Variants in STK38L observed in about 807,000 individuals in gnomAD.
The protein encoded by STK38L is serine/threonine kinase 38 like.
Under a neutral mutation model 59.7 loss-of-function variants are expected in STK38L, and 28 were observed. The ratio of observed to expected loss-of-function variants is 0.47; its 90% CI spans 0.35 to 0.64. STK38L has a LOEUF of 0.64. Ranked by LOEUF, STK38L falls within the 30% of genes least tolerant of loss-of-function variation. STK38L has a pLI of 0.01. For missense variants in STK38L, 314 were observed against 555.8 expected (o/e 0.56, Z 4.37); for synonymous variants, 162 against 176.8 (o/e 0.92, Z 0.66).
intron 9 of STK38L, among the ~76,000 whole-genome samples, chr12:27,316,847 G>GT (rs1944596707): frequency 6.6e-6 from 1 of 152,126 alleles, no homozygotes; most frequent in Admixed American, 6.6e-5. Context: ...ATTAGGGCAG[G>GT]TATTATTATT....
chr12:27,282,910 C>T (rs1943691548), intron 1 of STK38L, among the ~76,000 whole-genome samples: 1 of 152,188 alleles, frequency 6.6e-6, no homozygotes, highest in African/African-American at 2.4e-5. Context: ...AAGCTGGCTT[C>T]ACCATGTCTA....
At chr12:27,244,493 G>A (rs138951412) in intron 1 of STK38L, among the ~76,000 whole-genome samples, 161 bp downstream of exon 1, 1 of 152,228 alleles carries the variant, frequency 6.6e-6, no homozygotes, top group Admixed American at 6.5e-5. Context: ...CTGCGGCGAC[G>A]GCCTTGGCCC....
intron 1 of STK38L, among the ~76,000 whole-genome samples, chr12:27,269,278 A>G (rs1420334452): frequency 6.6e-6 from 1 of 152,152 alleles, no homozygotes; most frequent in Non-Finnish European, 1.5e-5. Context: ...TCTTTAATCC[A>G]TCTTGAATTA....
intron 1 of STK38L, among the ~76,000 whole-genome samples, chr12:27,259,646 C>G (rs909478034): frequency 6.6e-6 from 1 of 151,996 alleles, no homozygotes; most frequent in Non-Finnish European, 1.5e-5. Flanking sequence ...CTTTCCCCCC[C>G]TTTTTTTTCC....
chr12:27,246,044 AAAT>A (rs1188472778), intron 1 of STK38L, among the ~76,000 whole-genome samples: 1 of 152,198 alleles, frequency 6.6e-6, no homozygotes, highest in Non-Finnish European at 1.5e-5. Flanking sequence ...GTTTGTTTTA[AAAT>A]AAGTCAAAGA....
At chr12:27,260,626 C>A (rs1241244395) in intron 1 of STK38L, among the ~76,000 whole-genome samples, 4 of 152,158 alleles carry the variant, frequency 2.6e-5, no homozygotes, top group Non-Finnish European at 4.4e-5. Flanking sequence ...ACTTACCATA[C>A]ATGCTGTGTG....
intron 1 of STK38L, among the ~76,000 whole-genome samples, chr12:27,295,358 G>C (rs184469822): frequency 6.6e-6 from 1 of 152,180 alleles, no homozygotes; most frequent in East Asian, 1.9e-4. Flanking sequence ...TGGGAAAAGT[G>C]ACTTGAGTTA....
At chr12:27,265,266 G>T (rs139929029) in intron 1 of STK38L, among the ~76,000 whole-genome samples, 1 of 152,172 alleles carries the variant, frequency 6.6e-6, no homozygotes, top group Non-Finnish European at 1.5e-5. Context: ...TAGGAAATAT[G>T]TATGTGTGTA....
At chr12:27,301,500 T>G (rs767141548) in intron 2 of STK38L, among the ~76,000 whole-genome samples, 14 of 152,178 alleles carry the variant, frequency 9.2e-5, no homozygotes, top group African/African-American at 3.4e-4. Context: ...GACCTCGTGA[T>G]CCGCCCACCT....
intron 6 of STK38L, 57 bp downstream of exon 6, chr12:27,312,729 CAAT>C (rs1944485313): frequency 6.3e-7 from 1 of 1,579,792 alleles, no homozygotes; most frequent in Non-Finnish European, 8.6e-7. Context: ...TTATATGCAA[CAAT>C]AATTTTATTG....
At chr12:27,309,838 T>C (rs1944415159) in intron 5 of STK38L, among the ~76,000 whole-genome samples, 1 of 152,162 alleles carries the variant, frequency 6.6e-6, no homozygotes, top group African/African-American at 2.4e-5. Flanking sequence ...CTGTCACATA[T>C]CAGATAATCA....
intron 1 of STK38L, among the ~76,000 whole-genome samples, chr12:27,286,115 A>T (rs1168964971): frequency 6.6e-6 from 1 of 152,072 alleles, no homozygotes; most frequent in Non-Finnish European, 1.5e-5. Flanking sequence ...ATGACATCCA[A>T]CTTTTTTTTG....
At position 27,308,347 on chromosome 12, in the gene STK38L, AC is replaced by A; in HGVS notation, c.196del (p.Arg66ValfsTer28). On this transcript the variant is annotated frameshift_variant, in exon 4 of 14. Transcript: ENST00000389032. LOFTEE classifies it high-confidence loss of function. The surrounding 1 kb of genome is among the most constrained non-coding windows in gnomAD (Gnocchi z 4.5). ...EGLADEEKKLRRSQHARKETE... is the reference protein window; with the variant it reads ...EGLADEEKKLXRSQHARKETE... ...TTGTTTTTTTTTAATAGAAAAAGTT[AC>A]GTCGATCACAACACGCTCGCAAAGA... is the stretch of plus-strand genomic sequence containing the variant. 1.3e-6 allele frequency: 2 copies of A among 1,556,496 alleles called. No homozygotes were observed. Among genetic ancestry groups the A allele is most frequent in the Non-Finnish European group, 1.7e-6 (2 of 1,153,866 alleles).
intron 1 of STK38L, among the ~76,000 whole-genome samples, chr12:27,290,441 CA>C (rs1943871972): frequency 6.6e-6 from 1 of 152,170 alleles, no homozygotes. Context: ...TTAAATAACT[CA>C]GACAGGATCA....
At chr12:27,290,213 G>A (rs761935391) in intron 1 of STK38L, among the ~76,000 whole-genome samples, 4 of 152,090 alleles carry the variant, frequency 2.6e-5, no homozygotes, top group Non-Finnish European at 4.4e-5. Flanking sequence ...ATGCACACAA[G>A]GTGGCTATTA....
At chr12:27,305,692 G>C (rs546993557) in intron 3 of STK38L, among the ~76,000 whole-genome samples, 1 of 152,304 alleles carries the variant, frequency 6.6e-6, no homozygotes, top group Admixed American at 6.5e-5. Flanking sequence ...TGGAGAGTTT[G>C]AGGAACACCT....
chr12:27,255,472 T>G (rs1375418249), intron 1 of STK38L, among the ~76,000 whole-genome samples: 1 of 152,254 alleles, frequency 6.6e-6, no homozygotes, highest in African/African-American at 2.4e-5. Flanking sequence ...TGAAAAGTTA[T>G]TTCTCAGATT....
chr12:27,260,923 T>C (rs1943192059), intron 1 of STK38L, among the ~76,000 whole-genome samples: 1 of 152,232 alleles, frequency 6.6e-6, no homozygotes, highest in Non-Finnish European at 1.5e-5. Flanking sequence ...ACTTCTGTTG[T>C]TGAGAGCTTC....
At chr12:27,268,112 G>T (rs1943337603) in intron 1 of STK38L, among the ~76,000 whole-genome samples, 1 of 152,016 alleles carries the variant, frequency 6.6e-6, no homozygotes, top group Non-Finnish European at 1.5e-5. Context: ...TTCATTCTGT[G>T]ATGCTAATTT....
Sources: gnomAD v4.1 joint callset for allele counts (sites outside exome capture counted in the v4.1 genomes callset) on GRCh38, gnomAD v4.1.1 for gene constraint, Gnocchi (gnomAD v3.1) non-coding constraint, MANE v1.5 for transcripts, NCBI Gene and HGNC (gene_info 2026-07-23, HGNC 2026-07-21) for gene names.